TNRC6B: variants seen among roughly 807,000 people sequenced by gnomAD.
TNRC6B encodes the protein trinucleotide repeat-containing gene 6B protein.
TNRC6B carries 52 observed loss-of-function variants against 203.6 expected under a neutral mutation model. That is an observed-to-expected ratio of 0.26 (90% CI 0.20 to 0.32). The LOEUF is 0.32. Among genes scored for constraint, TNRC6B ranks in the 10% least tolerant of loss-of-function variants. The probability of loss-of-function intolerance (pLI) is 1.00; values close to 1 mark genes in which losing one functional copy is unlikely to be tolerated. For synonymous variants in TNRC6B, 838 were observed against 845.7 expected (o/e 0.99, Z 0.16); for missense variants, 1,923 against 2,286.2 (o/e 0.84, Z 3.24).
chr22:40,230,002 T>C (rs2069844833), intron 1 of TNRC6B, among the ~76,000 whole-genome samples: 1 of 152,146 alleles, frequency 6.6e-6, no homozygotes, highest in Non-Finnish European at 1.5e-5. Flanking sequence ...GGTCATATAG[T>C]AGGTGTATGT....
intron 1 of TNRC6B, among the ~76,000 whole-genome samples, chr22:40,055,602 T>G (rs76815449): frequency 1.1e-4 from 16 of 152,218 alleles, no homozygotes; most frequent in Non-Finnish European, 2.1e-4. Context: ...AGGCATAGAG[T>G]ACCATTCAGA....
rs776454817 is a variant in TNRC6B, at chr22:40,328,239, T to C, written c.*4998T>C. On this transcript the variant is annotated 3_prime_UTR_variant, in exon 23 of 23. Transcript: ENST00000454349. ...CAGTGTCCCCCCAATAAATCACTTATCCATTTATTGCTAGTTAGTTTTATT... is the reference window on the plus strand; with the variant it reads ...CAGTGTCCCCCCAATAAATCACTTACCCATTTATTGCTAGTTAGTTTTATT... The C allele has an allele frequency of 2.0e-5, 3 of 152,214 alleles. No individual in the cohort carries two copies. The highest frequency in any genetic ancestry group is 4.4e-5 in the Non-Finnish European group (3 of 68,030). 9.4% of individuals were successfully genotyped at this position (152,214 alleles called of 1,614,324 possible). A position where few individuals can be genotyped will look rare whatever the true frequency, so the allele number is the denominator to read the frequency against.
chr22:40,265,546 G>A lies in TNRC6B; in HGVS notation c.1316G>A (p.Gly439Glu), dbSNP rs745388114. 4 of 1,613,778 alleles carry A rather than the reference G, an allele frequency of 2.5e-6. No homozygotes were observed. Among genetic ancestry groups the A allele is most frequent in the Admixed American group, 1.7e-5 (1 of 59,984 alleles). ...CCTTCTGGAACTGACACAGTCTCTG[G>A]ACAAAGCAATTCTGGAAACAATGGG... ...RGPSGTDTVS[G>E]QSNSGNNGNN... Residue 439 changes from glycine (G) to glutamate (E), a missense_variant, in exon 5 of 23, where the codon GGA becomes GAA. By Grantham distance (98) the Gly-to-Glu change is moderately conservative. Transcript: ENST00000454349.
chr22:40,146,246 C>T (rs1249920253), intron 3 of TNRC6B, among the ~76,000 whole-genome samples: 1 of 152,130 alleles, frequency 6.6e-6, no homozygotes, highest in East Asian at 1.9e-4. Context: ...ACAAATAAGC[C>T]TTTCAGGTAG....
chr22:40,091,397 C>T (rs953844352), intron 1 of TNRC6B, among the ~76,000 whole-genome samples: 2 of 151,480 alleles, frequency 1.3e-5, no homozygotes, highest in Admixed American at 6.6e-5. Flanking sequence ...ATATTAGTAC[C>T]ACCATCGGGT....
chr22:40,120,191 C>G (rs1457561888), intron 2 of TNRC6B, among the ~76,000 whole-genome samples: 1 of 152,082 alleles, frequency 6.6e-6, no homozygotes, highest in Non-Finnish European at 1.5e-5. Flanking sequence ...AATCCCAACT[C>G]TACCATAAAT....
chr22:40,145,490 G>A (rs2068686268), intron 3 of TNRC6B, among the ~76,000 whole-genome samples: 1 of 152,258 alleles, frequency 6.6e-6, no homozygotes, highest in South Asian at 2.1e-4. Flanking sequence ...AGAGGGTGTG[G>A]TTGGAGATAT....
chr22:40,057,732 C>T (rs1237900811), intron 1 of TNRC6B, among the ~76,000 whole-genome samples: 1 of 152,120 alleles, frequency 6.6e-6, no homozygotes, highest in Non-Finnish European at 1.5e-5. Context: ...TGGGTACTTG[C>T]TGGGTACAAG....
chr22:40,097,669 TACACACACACACACAC>T (rs6147625), intron 1 of TNRC6B, among the ~76,000 whole-genome samples: 24,342 of 135,588 alleles, frequency 0.18, 2,225 homozygotes, highest in South Asian at 0.26. Flanking sequence ...AGGTATATCA[TACACACACACACACAC>T]ACACACACAC....
At chr22:40,312,175 G>T (rs1425128112) in intron 17 of TNRC6B, among the ~76,000 whole-genome samples, 3 of 152,200 alleles carry the variant, frequency 2.0e-5, no homozygotes, top group Admixed American at 1.3e-4. Context: ...ATGCTGGGAT[G>T]ATTCTTGTGA....
At chr22:40,147,696 C>G (rs2068707863) in intron 3 of TNRC6B, among the ~76,000 whole-genome samples, 1 of 152,220 alleles carries the variant, frequency 6.6e-6, no homozygotes. Context: ...CCTCCCAACA[C>G]TATTGCACTG....
At chr22:40,189,304 G>C (rs571234823) in intron 1 of TNRC6B, among the ~76,000 whole-genome samples, 44 of 152,232 alleles carry the variant, frequency 2.9e-4, no homozygotes, top group Admixed American at 2.9e-3. Flanking sequence ...AAACACCTTT[G>C]TAGCTACCAG....
At chr22:40,053,273 G>A (rs763473183) in intron 1 of TNRC6B, among the ~76,000 whole-genome samples, 22 of 152,010 alleles carry the variant, frequency 1.4e-4, no homozygotes, top group Non-Finnish European at 2.8e-4. Flanking sequence ...TTATAAACAG[G>A]CTCCGAAAGC....
At chr22:40,297,509 A>C (rs2070959955) in intron 12 of TNRC6B, among the ~76,000 whole-genome samples, 1 of 152,184 alleles carries the variant, frequency 6.6e-6, no homozygotes, top group East Asian at 1.9e-4. Context: ...GTAAGGTCTT[A>C]AGCTCAAATT....
In TNRC6B at chr22:40,328,339, A is replaced by C. The variant is rs914171786; in HGVS notation, c.*5098A>C. On this transcript the variant is annotated 3_prime_UTR_variant, in exon 23 of 23. Transcript: ENST00000454349. Reference sequence around the variant, plus strand: ...CCACCTCTTCTGACATGAATGTAGCATAAGTTAGCAATCGGTTCTTCCAAA... The same window carrying C: ...CCACCTCTTCTGACATGAATGTAGCCTAAGTTAGCAATCGGTTCTTCCAAA... 1.3e-5 allele frequency: 2 copies of C among 152,228 alleles called. No individual in the cohort carries two copies. The highest frequency in any genetic ancestry group is 2.9e-5 in the Non-Finnish European group (2 of 68,044). 9.4% of individuals were successfully genotyped at this position (152,228 alleles called of 1,614,324 possible).
At chr22:40,048,212 A>T (rs1716935670) in intron 1 of TNRC6B, among the ~76,000 whole-genome samples, 2 of 152,096 alleles carry the variant, frequency 1.3e-5, no homozygotes, top group Admixed American at 1.3e-4. Context: ...TTGCAGCCAG[A>T]TTGTTCCAAG....
intron 3 of TNRC6B, among the ~76,000 whole-genome samples, chr22:40,154,881 A>G (rs1327846686): frequency 3.5e-5 from 2 of 56,672 alleles, no homozygotes; most frequent in Non-Finnish European, 6.4e-5. Context: ...ATATATATAT[A>G]TATATATATA....
At chr22:40,261,619 T>TA (rs751082220) in intron 3 of TNRC6B, among the ~76,000 whole-genome samples, 8 of 151,446 alleles carry the variant, frequency 5.3e-5, no homozygotes, top group East Asian at 1.9e-4. Flanking sequence ...AATAAATAAA[T>TA]AATAATCTTG....
chr22:40,247,609 C>T (rs1011475688), intron 2 of TNRC6B, among the ~76,000 whole-genome samples: 51 of 152,060 alleles, frequency 3.4e-4, no homozygotes, highest in Non-Finnish European at 5.0e-4. Flanking sequence ...TATAATAGAC[C>T]GCTGTGCTCT....
Sources: gnomAD v4.1 joint callset for allele counts (sites outside exome capture counted in the v4.1 genomes callset) on GRCh38, gnomAD v4.1.1 for gene constraint, MANE v1.5 for transcripts, NCBI Gene and HGNC (gene_info 2026-07-23, HGNC 2026-07-21) for gene names.